ZNF862: variants seen among roughly 807,000 people sequenced by gnomAD.
The protein encoded by ZNF862 is zinc finger protein 862.
In ZNF862, 64 loss-of-function variants were observed where a neutral mutation model predicts 91.1. The ratio of observed to expected loss-of-function variants is 0.70; its 90% CI spans 0.57 to 0.87. The LOEUF is 0.87. ZNF862 is among the 40% of genes least tolerant of loss of function. The pLI, the probability that ZNF862 is intolerant of heterozygous loss-of-function variation, is 0.00. For missense variants in ZNF862, 1,459 were observed against 1,528.0 expected, an observed-to-expected ratio of 0.95 and a Z score of 0.75; for synonymous variants, 631 against 618.1, an observed-to-expected ratio of 1.02 and a Z score of -0.31.
intron 6 of ZNF862, 86 bp downstream of exon 6, chr7:149,859,612 C>T: frequency 8.6e-7 from 1 of 1,157,460 alleles, no homozygotes. Context: ...CTCAGCTGTG[C>T]TCATCTGATG....
chr7:149,857,223 C>G (rs1267558431), intron 5 of ZNF862, among the ~76,000 whole-genome samples: 3 of 151,904 alleles, frequency 2.0e-5, no homozygotes, highest in Admixed American at 1.3e-4. Flanking sequence ...CCTATTTTCT[C>G]TTTTCTTTCT....
chr7:149,841,983 G>A (rs6975030), intron 1 of ZNF862, among the ~76,000 whole-genome samples: 52,155 of 152,014 alleles, frequency 0.34, 11,235 homozygotes, highest in African/African-American at 0.62. Flanking sequence ...GGTTGTGGGG[G>A]GAAGGGTGGT....
rs2074700 is a variant in ZNF862, at chr7:149,862,184, C to T, written c.3024C>T (p.Leu1008=). The change falls in exon 7 of 8, where the codon CTC becomes CTT. Residue 1008 remains leucine (L), a synonymous_variant. Coordinates refer to ENST00000223210, the MANE Select transcript of ZNF862 (RefSeq NM_001099220.3). ...TIAQHLPFSM[L]CKNALAQHCR... ...CCCAGCACCTCCCGTTCTCCATGCT[C>T]TGCAAAAACGCCCTGGCCCAGCACT... 0.55 allele frequency: 881,950 copies of T among 1,613,094 alleles called. 247,676 individuals carry two copies. The highest frequency in any genetic ancestry group is 0.59 in the Non-Finnish European group (697,253 of 1,179,750).
At chr7:149,842,376 T>C (rs1284145397) in intron 1 of ZNF862, among the ~76,000 whole-genome samples, 1 of 152,212 alleles carries the variant, frequency 6.6e-6, no homozygotes, top group Non-Finnish European at 1.5e-5. Flanking sequence ...CAGCTTTACC[T>C]TGTAGAGAGT....
At chr7:149,848,578 C>G in intron 4 of ZNF862, 146 bp downstream of exon 4, 2 of 661,898 alleles carry the variant, frequency 3.0e-6, no homozygotes, top group Non-Finnish European at 4.8e-6. Flanking sequence ...ACATGCTTAT[C>G]ATGGACTAGG....
chr7:149,864,239 A>T lies in ZNF862; in HGVS notation c.3465A>T (p.Arg1155Ser). The change falls in exon 8 of 8, where the codon AGA becomes AGT. Residue 1155 changes from arginine (R) to serine (S), a missense_variant. Transcript: ENST00000223210. The stretch of plus-strand genomic sequence containing the variant: ...ACTGCATCATGGAGCCTCCCGAGAG[A>T]CTCCTGTATCCCCACACCAGCCAGG... ...LKDCIMEPPE[R>S]LLYPHTSQEA... The T allele has an allele frequency of 6.2e-7, 1 of 1,602,614 alleles. No homozygotes were observed. Among genetic ancestry groups the T allele is most frequent in the Non-Finnish European group, 8.5e-7 (1 of 1,175,334 alleles).
At chr7:149,840,231 A>G (rs1801658545) in intron 1 of ZNF862, among the ~76,000 whole-genome samples, 1 of 150,850 alleles carries the variant, frequency 6.6e-6, no homozygotes, top group Non-Finnish European at 1.5e-5. Flanking sequence ...TTAAAAATAC[A>G]AAACCTCATA....
rs1276384331 is a variant in ZNF862, at chr7:149,867,248, G to A, written c.*2964G>A. 6.6e-6 allele frequency: 1 copy of A among 152,246 alleles called. No individual in the cohort carries two copies. Among genetic ancestry groups the A allele is most frequent in the Non-Finnish European group, 1.5e-5 (1 of 68,086 alleles). 9.4% of individuals were successfully genotyped at this position (152,246 alleles called of 1,614,324 possible). A position where few individuals can be genotyped will look rare whatever the true frequency, so the allele number is the denominator to read the frequency against. On this transcript the variant is annotated 3_prime_UTR_variant, in exon 8 of 8. Transcript: ENST00000223210. ...CCTTAGAGTATGTGACCGCGCTCCA[G>A]ACCCTTGCTTCTCTCTCCTGCAGAG...
chr7:149,860,226 G>T, intron 6 of ZNF862, 157 bp from the exon 7 acceptor site: 2 of 672,532 alleles, frequency 3.0e-6, no homozygotes, highest in Non-Finnish European at 5.0e-6. Context: ...GAATGGGTGA[G>T]GGTTTAAGTG....
At position 149,862,105 on chromosome 7, in the gene ZNF862, C is replaced by A; in HGVS notation, c.2945C>A (p.Thr982Lys). 6.2e-7 allele frequency: 1 copy of A among 1,613,664 alleles called. No homozygotes were observed. Among genetic ancestry groups the A allele is most frequent in the Non-Finnish European group, 8.5e-7 (1 of 1,179,896 alleles). ...LARYFECSLP[T>K]GYSEEALLEE... ...AGGTATTTCGAGTGCTCCCTCCCAA[C>A]AGGATACAGTGAGGAAGCTCTGCTG... The change falls in exon 7 of 8, where the codon ACA becomes AAA. Residue 982 changes from threonine to lysine, a missense_variant. Thr to Lys is a moderately conservative substitution (Grantham distance 78). Coordinates refer to ENST00000223210, the MANE Select transcript of ZNF862 (RefSeq NM_001099220.3).
In ZNF862 at chr7:149,864,415, G is replaced by A; in HGVS notation, c.*131G>A. The A allele has an allele frequency of 2.2e-6, 2 of 911,258 alleles. No homozygotes were observed. The highest frequency in any genetic ancestry group is 2.8e-5 in the Admixed American group (1 of 35,788). The allele number at this position is 911,258 out of a possible 1,614,324, so 56.4% of individuals were successfully genotyped here. A position where few individuals can be genotyped will look rare whatever the true frequency, so the allele number is the denominator to read the frequency against. The stretch of plus-strand genomic sequence containing the variant: ...TCTAAGCACCAGGAAGTGGGCAGTG[G>A]CATCCCAGAGCAGCAGGGGTATCAG... On this transcript the variant is annotated 3_prime_UTR_variant, in exon 8 of 8. Transcript: ENST00000223210.
rs1487763283 is a variant in ZNF862 at position 149,849,165 on chromosome 7, ATGT to A, written c.939+738_939+740del. Among the ~76,000 whole-genome samples the A allele has an allele frequency of 3.3e-5, 5 of 152,218 alleles. No individual in the cohort carries two copies. In the South Asian group the frequency reaches 6.2e-4, roughly 19 times the overall value. On this transcript the variant is annotated intron_variant, in intron 4 of 7. Coordinates refer to ENST00000223210, the MANE Select transcript of ZNF862 (RefSeq NM_001099220.3). Reference sequence around the variant, plus strand: ...TGTAAACATTGCAGTTTTTTCACACATGTTGTTTGATGTAATGTTTCTGATGTT... The same window carrying A: ...TGTAAACATTGCAGTTTTTTCACACATGTTTGATGTAATGTTTCTGATGTT...
intron 3 of ZNF862, 143 bp from the exon 4 acceptor site, chr7:149,847,592 G>GGTGTGTGT (rs10569456): frequency 1.3e-5 from 7 of 533,036 alleles, no homozygotes; most frequent in Non-Finnish European, 2.3e-5. Flanking sequence ...AGAAAATTCA[G>GGTGTGTGT]GTGTGTGTGT....
At chr7:149,841,102 G>T in intron 1 of ZNF862, 1 of 985,432 alleles carries the variant, frequency 1.0e-6, no homozygotes, top group Non-Finnish European at 1.2e-6. Context: ...CTTCATACAA[G>T]AATGAAATAA....
At position 149,847,831 on chromosome 7, in the gene ZNF862, C is replaced by T; in HGVS notation, c.338C>T (p.Ser113Phe). ...SLPPQKKAYL[S>F]HLSTGSGHIE... is the part of the protein sequence containing the mutation. Reference sequence around the variant, plus strand: ...CCGCCTCAGAAGAAAGCCTACCTTTCCCACCTCAGTACAGGCAGTGGACAC... The same window carrying T: ...CCGCCTCAGAAGAAAGCCTACCTTTTCCACCTCAGTACAGGCAGTGGACAC... The change falls in exon 4 of 8, where the codon TCC becomes TTC. Residue 113 changes from serine to phenylalanine, a missense_variant. Transcript: ENST00000223210. 1 of 1,613,826 alleles carries T rather than the reference C, an allele frequency of 6.2e-7. No homozygotes were observed. The highest frequency in any genetic ancestry group is 1.1e-5 in the South Asian group (1 of 91,032).
At chr7:149,859,205 G>A in intron 5 of ZNF862, 1 of 591,640 alleles carries the variant, frequency 1.7e-6, no homozygotes, top group Non-Finnish European at 3.0e-6. Context: ...CTGGCCCATG[G>A]ATCTGAGGAA....
chr7:149,865,135 C>T lies in ZNF862; in HGVS notation c.*851C>T, dbSNP rs1802666149. ...CTCTCCATGAAGTGGCAGCAGAGAT[C>T]CAAGTGCCTGCTGACTCCCCATCTG... On this transcript the variant is annotated 3_prime_UTR_variant, in exon 8 of 8. Coordinates refer to ENST00000223210, the MANE Select transcript of ZNF862 (RefSeq NM_001099220.3). 6.6e-6 allele frequency: 1 copy of T among 152,276 alleles called. No homozygotes were observed. Among genetic ancestry groups the T allele is most frequent in the South Asian group, 2.1e-4 (1 of 4,830 alleles). 9.4% of individuals were successfully genotyped at this position (152,276 alleles called of 1,614,324 possible). A position where few individuals can be genotyped will look rare whatever the true frequency, so the allele number is the denominator to read the frequency against.
At chr7:149,847,425 T>A (rs1801906485) in intron 3 of ZNF862, among the ~76,000 whole-genome samples, 1 of 152,136 alleles carries the variant, frequency 6.6e-6, no homozygotes, top group Non-Finnish European at 1.5e-5. Flanking sequence ...AGATTGTACG[T>A]TTCATAGATC....
Position 149,844,674 on chromosome 7 carries a change from G to A in ZNF862, c.74G>A (p.Trp25Ter). 6.2e-7 allele frequency: 1 copy of A among 1,606,080 alleles called. No homozygotes were observed. Among genetic ancestry groups the A allele is most frequent in the African/African-American group, 1.3e-5 (1 of 74,938 alleles). Residue 25 changes from tryptophan to a stop codon, truncating the protein, a stop_gained, in exon 2 of 8, where the codon TGG (tryptophan) becomes TAG (stop). Coordinates refer to ENST00000223210, the MANE Select transcript of ZNF862 (RefSeq NM_001099220.3). LOFTEE classifies it high-confidence loss of function. ...ACTGTGTACTTACTCCAGGAGGAAT[G>A]GGTGCTGCTGAGCCAGCAACAGAAG... is the stretch of plus-strand genomic sequence containing the variant. The part of the protein sequence containing the change: ...DITVYLLQEE[W>*]VLLSQQQKEL...
Sources: allele counts gnomAD v4.1 joint callset (sites outside exome capture counted in the v4.1 genomes callset), GRCh38; gene constraint gnomAD v4.1.1; transcripts MANE v1.5; gene names NCBI Gene and HGNC (gene_info 2026-07-23, HGNC 2026-07-21).